Variants in RBFOX1 observed in about 807,000 individuals in gnomAD.
The protein encoded by RBFOX1 is RNA binding protein fox-1 homolog 1.
Under a neutral mutation model 57.7 loss-of-function variants are expected in RBFOX1, and 8 were observed. That is an observed-to-expected ratio of 0.14 (90% CI 0.08 to 0.25). The LOEUF (loss-of-function observed/expected upper bound fraction) is 0.25. Among genes scored for constraint, RBFOX1 ranks in the 10% least tolerant of loss-of-function variants. The pLI, the probability that RBFOX1 is intolerant of heterozygous loss-of-function variation, is 1.00. For synonymous variants in RBFOX1, 326 were observed against 222.4 expected (o/e 1.47, Z -4.15); for missense variants, 611 against 548.5 (o/e 1.11, Z -1.14).
chr16:5,447,700 TTC>T (rs2068292224), intron 1 of RBFOX1, among the ~76,000 whole-genome samples: 1 of 152,210 alleles, frequency 6.6e-6, no homozygotes, highest in Non-Finnish European at 1.5e-5. Context: ...CCGGCTGCCA[TTC>T]TCTCTTTCTA....
At chr16:5,590,498 G>A (rs1320546892) in intron 2 of RBFOX1, among the ~76,000 whole-genome samples, 3 of 152,272 alleles carry the variant, frequency 2.0e-5, no homozygotes, top group Middle Eastern at 6.8e-3. Flanking sequence ...AATGGGCAGG[G>A]GAAGCCTCGG....
At chr16:6,181,080 G>A (rs1378210594) in intron 1 of RBFOX1, among the ~76,000 whole-genome samples, 3 of 152,074 alleles carry the variant, frequency 2.0e-5, no homozygotes, top group Non-Finnish European at 4.4e-5. Context: ...GGTTCCTTTG[G>A]TATCACCTCT....
intron 2 of RBFOX1, chr16:6,483,685 G>A: frequency 7.6e-7 from 1 of 1,320,876 alleles, no homozygotes; most frequent in Non-Finnish European, 9.8e-7. Flanking sequence ...GGGTTGCAGA[G>A]GGACGGGGGC....
chr16:5,547,696 A>C (rs952185990), intron 2 of RBFOX1, among the ~76,000 whole-genome samples: 3 of 152,198 alleles, frequency 2.0e-5, no homozygotes, highest in Non-Finnish European at 2.9e-5. Flanking sequence ...CATGTACACA[A>C]TGGAATACTA....
intron 1 of RBFOX1, among the ~76,000 whole-genome samples, chr16:6,184,342 A>G (rs1223697954): frequency 6.6e-6 from 1 of 152,160 alleles, no homozygotes; most frequent in Non-Finnish European, 1.5e-5. Context: ...TGGGTGGAGA[A>G]TAGGTGTGGG....
At chr16:7,405,253 G>A (rs573645614) in intron 4 of RBFOX1, among the ~76,000 whole-genome samples, 1 of 152,184 alleles carries the variant, frequency 6.6e-6, no homozygotes, top group Non-Finnish European at 1.5e-5. Flanking sequence ...AAATTAGCAC[G>A]GCGCAGCGCT....
intron 1 of RBFOX1, among the ~76,000 whole-genome samples, chr16:5,373,275 G>A (rs376955499): frequency 6.6e-6 from 1 of 152,160 alleles, no homozygotes; most frequent in Non-Finnish European, 1.5e-5. Flanking sequence ...TAGGGCCAGT[G>A]GGTGTGGTTT....
At chr16:7,574,378 A>G (rs1370760275) in intron 5 of RBFOX1, among the ~76,000 whole-genome samples, 1 of 152,234 alleles carries the variant, frequency 6.6e-6, no homozygotes, top group Non-Finnish European at 1.5e-5. Flanking sequence ...ATTGACTCAC[A>G]CGATCACAAG....
intron 1 of RBFOX1, among the ~76,000 whole-genome samples, chr16:5,286,955 A>T (rs1333580085): frequency 6.6e-6 from 1 of 152,204 alleles, no homozygotes; most frequent in Non-Finnish European, 1.5e-5. Flanking sequence ...GGCTGGGCCA[A>T]CTTTTTCTAA....
intron 3 of RBFOX1, among the ~76,000 whole-genome samples, chr16:6,905,512 C>A (rs2069632049): frequency 6.7e-6 from 1 of 150,026 alleles, no homozygotes; most frequent in South Asian, 2.1e-4. Context: ...AAGCTGATGC[C>A]ACTGCACTCT....
At position 6,837,321 on chromosome 16, in the gene RBFOX1, A is replaced by G. The variant is rs115283246; in HGVS notation, c.-16+182671A>G. 6.1e-3 allele frequency among the ~76,000 whole-genome samples: 935 copies of G among 152,244 alleles called. 15 individuals are homozygous for G. The highest frequency in any genetic ancestry group is 0.021 in the African/African-American group (861 of 41,550). ...GACCCAGGCTGCTTCCATTTTGTAG[A>G]TGTGCCACCTGGCTGACTCTGATAA... On this transcript the variant is annotated intron_variant, in intron 3 of 15. Coordinates refer to ENST00000550418, the MANE Select transcript of RBFOX1 (RefSeq NM_018723.4).
chr16:7,044,632 G>A (rs1028319319), intron 3 of RBFOX1, among the ~76,000 whole-genome samples: 5 of 152,046 alleles, frequency 3.3e-5, no homozygotes, highest in Admixed American at 2.0e-4. Flanking sequence ...AACAGCGCCC[G>A]ACCTTCCACT....
At chr16:5,472,361 C>G (rs896760444) in intron 2 of RBFOX1, among the ~76,000 whole-genome samples, 5 of 152,062 alleles carry the variant, frequency 3.3e-5, no homozygotes, top group Non-Finnish European at 7.4e-5. Flanking sequence ...CCCCCCAACC[C>G]CCATTGCAAG....
chr16:5,718,981 A>AAC (rs1567443747), intron 3 of RBFOX1, among the ~76,000 whole-genome samples: 1 of 151,854 alleles, frequency 6.6e-6, no homozygotes, highest in Non-Finnish European at 1.5e-5. Context: ...GTTAAAAAAA[A>AAC]AAAACAATAT....
chr16:6,967,371 G>T (rs889469943), intron 3 of RBFOX1, among the ~76,000 whole-genome samples: 3 of 152,162 alleles, frequency 2.0e-5, no homozygotes, highest in African/African-American at 7.2e-5. Flanking sequence ...CTTGAGCAGG[G>T]AAGAGATTAG....
At chr16:7,184,610 G>A (rs1452748606) in intron 4 of RBFOX1, among the ~76,000 whole-genome samples, 1 of 152,198 alleles carries the variant, frequency 6.6e-6, no homozygotes, top group Admixed American at 6.5e-5. Context: ...AGTATGGCAA[G>A]TTGGAATTCT....
chr16:6,897,810 C>A (rs910465038), intron 3 of RBFOX1, among the ~76,000 whole-genome samples: 22 of 152,042 alleles, frequency 1.4e-4, no homozygotes, highest in African/African-American at 5.3e-4. Context: ...TAAAAAAAGG[C>A]TAAGTCCTTA....
chr16:7,708,838 T>TATG (rs2083347491), intron 14 of RBFOX1, among the ~76,000 whole-genome samples: 5 of 67,796 alleles, frequency 7.4e-5, no homozygotes, highest in Admixed American at 1.5e-4. Flanking sequence ...ATATATGTAT[T>TATG]TATCTGTCAA....
At chr16:5,839,039 C>T (rs1597446242) in intron 3 of RBFOX1, among the ~76,000 whole-genome samples, 1 of 152,074 alleles carries the variant, frequency 6.6e-6, no homozygotes. Flanking sequence ...AGAGTAGAGG[C>T]CAGGGATATT....
Sources: gnomAD v4.1 joint callset for allele counts (sites outside exome capture counted in the v4.1 genomes callset) on GRCh38, gnomAD v4.1.1 for gene constraint, MANE v1.5 for transcripts, NCBI Gene and HGNC (gene_info 2026-07-23, HGNC 2026-07-21) for gene names.